Variants in ENAH observed in about 807,000 individuals in gnomAD.
ENAH encodes protein enabled homolog.
Under a neutral mutation model 78.7 loss-of-function variants are expected in ENAH, and 23 were observed. The ratio of observed to expected loss-of-function variants is 0.29; its 90% CI spans 0.21 to 0.41. The LOEUF is 0.41. Among genes scored for constraint, ENAH ranks in the 10% least tolerant of loss-of-function variants. ENAH has a pLI of 1.00. For synonymous variants in ENAH, 226 were observed against 241.0 expected, an observed-to-expected ratio of 0.94 and a Z score of 0.58; for missense variants, 544 against 691.0, an observed-to-expected ratio of 0.79 and a Z score of 2.39.
chr1:225,568,877 C>T (rs1386081929), intron 1 of ENAH, among the ~76,000 whole-genome samples: 1 of 152,160 alleles, frequency 6.6e-6, no homozygotes, highest in Non-Finnish European at 1.5e-5. Flanking sequence ...TTGTAATTTT[C>T]CATTAGAAAA....
intron 1 of ENAH, among the ~76,000 whole-genome samples, chr1:225,591,961 A>C (rs994603534): frequency 1.2e-4 from 19 of 152,060 alleles, no homozygotes; most frequent in African/African-American, 4.6e-4. Flanking sequence ...GTCACCTTAA[A>C]CAAGTTTTTA....
chr1:225,504,731 A>T (rs1368684243), intron 11 of ENAH, among the ~76,000 whole-genome samples: 1 of 152,236 alleles, frequency 6.6e-6, no homozygotes, highest in African/African-American at 2.4e-5. Context: ...ACAGCCTTTA[A>T]AAGAAAACGC....
chr1:225,633,580 T>C (rs1038656607), intron 1 of ENAH, among the ~76,000 whole-genome samples: 6 of 152,230 alleles, frequency 3.9e-5, no homozygotes, highest in South Asian at 2.1e-4. Flanking sequence ...GTCATTTATC[T>C]ACTGTATGAC....
chr1:225,617,495 A>T (rs1360307864), intron 1 of ENAH, among the ~76,000 whole-genome samples: 1 of 152,240 alleles, frequency 6.6e-6, no homozygotes, highest in Non-Finnish European at 1.5e-5. Flanking sequence ...AATTAAAAGC[A>T]CCCATTGCAG....
chr1:225,614,920 A>C (rs527861106), intron 1 of ENAH, among the ~76,000 whole-genome samples: 2 of 152,178 alleles, frequency 1.3e-5, no homozygotes, highest in South Asian at 4.1e-4. Context: ...TCCTACCTCT[A>C]TTCCACAACC....
At chr1:225,513,048 CTA>C in intron 7 of ENAH, 32 bp from the exon 8 acceptor site, 2 of 1,535,210 alleles carry the variant, frequency 1.3e-6, no homozygotes, top group South Asian at 2.6e-5. Flanking sequence ...TAATCAACTC[CTA>C]TGTTAGACAA....
intron 3 of ENAH, among the ~76,000 whole-genome samples, chr1:225,548,913 G>A (rs1223566139): frequency 6.7e-6 from 1 of 148,740 alleles, no homozygotes; most frequent in Admixed American, 6.8e-5. Context: ...GCAGTGGCAC[G>A]ATCTCAGCTC....
chr1:225,587,434 A>G (rs992189784), intron 1 of ENAH, among the ~76,000 whole-genome samples: 1 of 152,202 alleles, frequency 6.6e-6, no homozygotes, highest in African/African-American at 2.4e-5. Flanking sequence ...AATAGCACCC[A>G]AAAAAGAAAA....
chr1:225,626,036 C>T (rs1386421841), intron 1 of ENAH, among the ~76,000 whole-genome samples: 1 of 152,106 alleles, frequency 6.6e-6, no homozygotes, highest in East Asian at 1.9e-4. Context: ...CTGAAGATTA[C>T]AGGAAACATC....
chr1:225,576,649 G>A (rs2096789722), intron 1 of ENAH, among the ~76,000 whole-genome samples: 2 of 151,582 alleles, frequency 1.3e-5, no homozygotes, highest in African/African-American at 4.8e-5. Context: ...AAAGACTAGA[G>A]AATTAACACA....
intron 2 of ENAH, among the ~76,000 whole-genome samples, chr1:225,555,877 G>C (rs980457682): frequency 3.9e-5 from 6 of 152,144 alleles, no homozygotes; most frequent in Non-Finnish European, 8.8e-5. Context: ...AGGGTCTTGA[G>C]TATCTATATA....
chr1:225,517,241 C>T lies in ENAH; in HGVS notation c.868G>A (p.Gly290Ser). 6.5e-7 allele frequency: 1 copy of T among 1,550,310 alleles called. No homozygotes were observed. The highest frequency in any genetic ancestry group is 8.7e-7 in the Non-Finnish European group (1 of 1,146,542). Residue 290 changes from glycine to serine, a missense_variant, in exon 6 of 14, where the codon GGC becomes AGC. Physicochemically the swap from Gly to Ser is moderately conservative, Grantham distance 56. Transcript: ENST00000366843. ...VLGDSSASEP[G>S]LQAASQPAET... ...GCCGGCTGAGAGGCTGCCTGCAAGC[C>T]TGGCTCAGAAGCAGAAGAGTCTCCC...
At chr1:225,573,585 G>C (rs2096773876) in intron 1 of ENAH, among the ~76,000 whole-genome samples, 1 of 152,106 alleles carries the variant, frequency 6.6e-6, no homozygotes, top group Non-Finnish European at 1.5e-5. Context: ...AAAAATTCAA[G>C]AAAGTGGCAG....
chr1:225,579,429 T>C (rs575204023), intron 1 of ENAH, among the ~76,000 whole-genome samples: 1 of 152,338 alleles, frequency 6.6e-6, no homozygotes, highest in East Asian at 1.9e-4. Context: ...AAAACATGTC[T>C]AGAATATCAG....
In ENAH at chr1:225,573,534, C is replaced by T. The variant is rs375208320; in HGVS notation, c.6-6120G>A. The stretch of plus-strand genomic sequence containing the variant: ...CCACTGAAGGGCTTTAAGCAGAACA[C>T]GGCCTACATTTTAAAGATAACTGTA... On this transcript the variant is annotated intron_variant, in intron 1 of 13. Transcript: ENST00000366843. Among the ~76,000 whole-genome samples the T allele has an allele frequency of 5.3e-4, 80 of 152,150 alleles. 2 individuals are homozygous for T. The South Asian group carries it at 0.016, about 30-fold the overall frequency.
intron 13 of ENAH, among the ~76,000 whole-genome samples, chr1:225,498,059 G>C (rs1471708988): frequency 3.9e-5 from 6 of 152,078 alleles, no homozygotes; most frequent in Non-Finnish European, 8.8e-5. Flanking sequence ...GAGGACACTG[G>C]GATAGGTGAG....
At chr1:225,549,913 G>A (rs2096633459) in intron 3 of ENAH, among the ~76,000 whole-genome samples, 1 of 152,086 alleles carries the variant, frequency 6.6e-6, no homozygotes, top group South Asian at 2.1e-4. Flanking sequence ...TGATCTTCAT[G>A]CTTGTAAACT....
chr1:225,542,672 T>C (rs1289019501), intron 3 of ENAH, among the ~76,000 whole-genome samples: 1 of 152,212 alleles, frequency 6.6e-6, no homozygotes, highest in African/African-American at 2.4e-5. Context: ...AATAGTTTGG[T>C]TGAATACATA....
At chr1:225,653,415 C>T (rs982695409), upstream of ENAH, among the ~76,000 whole-genome samples, 6 of 149,428 alleles carry the variant, frequency 4.0e-5, no homozygotes, top group African/African-American at 1.2e-4. This position sits in a 1 kb window ranked among gnomAD's most constrained non-coding sequence, Gnocchi z 4.3. Context: ...CGGGCCACCA[C>T]CCCCCCCTCC....
Sources: allele counts gnomAD v4.1 joint callset (sites outside exome capture counted in the v4.1 genomes callset), GRCh38; gene constraint gnomAD v4.1.1; non-coding constraint Gnocchi (gnomAD v3.1); transcripts MANE v1.5; gene names NCBI Gene and HGNC (gene_info 2026-07-23, HGNC 2026-07-21).